STRA6: variants seen among roughly 807,000 people sequenced by gnomAD.
STRA6 encodes receptor for retinol uptake STRA6.
Under a neutral mutation model 83.6 loss-of-function variants are expected in STRA6, and 48 were observed. The observed-to-expected ratio is 0.57, with a 90% CI of 0.46 to 0.73. The LOEUF (loss-of-function observed/expected upper bound fraction) is 0.73. Among genes scored for constraint, STRA6 ranks in the 30% least tolerant of loss-of-function variants. The pLI is 0.00. For synonymous variants in STRA6, 353 were observed against 362.3 expected (o/e 0.97, Z 0.29); for missense variants, 760 against 838.8 (o/e 0.91, Z 1.16).
At chr15:74,192,677 A>G (rs1595846381) in intron 8 of STRA6, among the ~76,000 whole-genome samples, 1 of 152,164 alleles carries the variant, frequency 6.6e-6, no homozygotes, top group African/African-American at 2.4e-5. Flanking sequence ...CTGGCTGGCC[A>G]GGTGCCTCCC....
chr15:74,183,708 G>A, intron 14 of STRA6, 148 bp downstream of exon 14: 1 of 1,584,862 alleles, frequency 6.3e-7, no homozygotes, highest in South Asian at 1.1e-5. Context: ...GGGAAGGCAG[G>A]GGGGTCCCTC....
intron 14 of STRA6, 62 bp from the exon 15 acceptor site, chr15:74,182,522 G>A (rs778391165): frequency 2.1e-5 from 30 of 1,396,674 alleles, no homozygotes; most frequent in Middle Eastern, 2.4e-4. Flanking sequence ...GGCCATCCCC[G>A]CTGCCCCCAG....
In STRA6 at chr15:74,193,804, G is replaced by C; in HGVS notation, c.716C>G (p.Ser239Cys). 4 of 1,613,704 alleles carry C rather than the reference G, an allele frequency of 2.5e-6. No individual in the cohort carries two copies. Among genetic ancestry groups the C allele is most frequent in the Non-Finnish European group, 3.4e-6 (4 of 1,179,738 alleles). ...ATCCCAGGCCTGCCCCTTTACCTTG[G>C]AGCCTGCTCCTGTCCTACGGCTGAA... is the stretch of plus-strand genomic sequence containing the variant. ...RSFSRRTGAG[S>C]KGLQSSYSEE... is the part of the protein sequence containing the mutation. The change falls in exon 8 of 19, where the codon TCC becomes TGC. Residue 239 changes from serine (S) to cysteine (C), a missense_variant. Physicochemically the swap from Ser to Cys is moderately radical, Grantham distance 112. Transcript: ENST00000395105.
rs909291194 is a variant in STRA6, at chr15:74,195,123, G to T, written c.597+179C>A. ...GCTGGGCCCAGCCACCTTGTTCCCT[G>T]CCTCTCCTGCAGAGCAGCCAAGCTT... On this transcript the variant is annotated intron_variant, in intron 7 of 18. Transcript: ENST00000395105. 10 of 1,491,918 alleles carry T rather than the reference G, an allele frequency of 6.7e-6. No homozygotes were observed. The African/African-American group carries it at 9.7e-5, about 14-fold the overall frequency. 92.4% of individuals were successfully genotyped at this position (1,491,918 alleles called of 1,614,324 possible).
At chr15:74,196,604 A>G (rs772973760) in intron 4 of STRA6, among the ~76,000 whole-genome samples, 1 of 152,212 alleles carries the variant, frequency 6.6e-6, no homozygotes, top group Admixed American at 6.5e-5. Flanking sequence ...ACTCAGACCC[A>G]CAGCTTCTGC....
At chr15:74,186,961 C>T (rs1007743463) in intron 12 of STRA6, among the ~76,000 whole-genome samples, 3 of 152,242 alleles carry the variant, frequency 2.0e-5, no homozygotes, top group Admixed American at 1.3e-4. Flanking sequence ...TGGTCCCTAG[C>T]TCCCTCCTCC....
chr15:74,205,486 C>T (rs2074239447), upstream of STRA6, among the ~76,000 whole-genome samples: 1 of 152,108 alleles, frequency 6.6e-6, no homozygotes, highest in African/African-American at 2.4e-5. Flanking sequence ...ACTGATAGAG[C>T]GAGAACTCAC....
Position 74,180,140 on chromosome 15 carries a change from G to A in STRA6, c.1944C>T (p.Asn648=), listed in dbSNP as rs2072901887. 1 of 1,613,752 alleles carries A rather than the reference G, an allele frequency of 6.2e-7. No individual in the cohort carries two copies. Among genetic ancestry groups the A allele is most frequent in the Non-Finnish European group, 8.5e-7 (1 of 1,179,866 alleles). Residue 648 remains asparagine, a synonymous_variant, in exon 19 of 19, where the codon AAC becomes AAT. Transcript: ENST00000395105. ...TCTTGCGGAAGACCTGCAGGGTTGG[G>A]TTGTGCAGCAGCGTGTAGGCCAGAC... ...RWGLAYTLLH[N]PTLQVFRKTA... is the part of the protein sequence containing the mutation.
chr15:74,207,938 C>CTTCAAGGAAGAG, intron 1 of STRA6: 1 of 1,457,472 alleles, frequency 6.9e-7, no homozygotes, highest in Non-Finnish European at 9.1e-7. Context: ...GGTGACTCTC[C>CTTCAAGGAAGAG]ACCTCCTGTC....
chr15:74,200,207 C>A (rs747658880), intron 2 of STRA6, among the ~76,000 whole-genome samples: 1 of 152,132 alleles, frequency 6.6e-6, no homozygotes, highest in African/African-American at 2.4e-5. Context: ...GCAACAAGAG[C>A]GAGACTCCAT....
At chr15:74,193,647 A>G (rs1035556753) in intron 8 of STRA6, among the ~76,000 whole-genome samples, 153 bp downstream of exon 8, 18 of 152,190 alleles carry the variant, frequency 1.2e-4, no homozygotes, top group African/African-American at 4.3e-4. Context: ...CTAGGGAGGG[A>G]GGACTAAGCA....
upstream of STRA6, among the ~76,000 whole-genome samples, chr15:74,206,950 G>C (rs1023012695): frequency 6.6e-6 from 1 of 152,202 alleles, no homozygotes; most frequent in Admixed American, 6.5e-5. Context: ...GCTAAGCCCT[G>C]CTCACTATGG....
chr15:74,191,697 A>C, intron 8 of STRA6: 1 of 621,740 alleles, frequency 1.6e-6, no homozygotes, highest in Non-Finnish European at 2.9e-6. Context: ...CACAAATACA[A>C]GGCCAGTCTC....
At chr15:74,204,371 C>T (rs945326283), upstream of STRA6, among the ~76,000 whole-genome samples, 1 of 152,192 alleles carries the variant, frequency 6.6e-6, no homozygotes, top group Admixed American at 6.5e-5. Context: ...CTTGTTCTGG[C>T]GGCCAGTATT....
intron 13 of STRA6, 26 bp from the exon 14 acceptor site, chr15:74,184,015 G>C: frequency 6.2e-7 from 1 of 1,610,614 alleles, no homozygotes; most frequent in Non-Finnish European, 8.5e-7. Context: ...GGGAGGCAGA[G>C]ACCTCAGGGA....
At chr15:74,209,692 C>T, upstream of STRA6, 1 of 511,780 alleles carries the variant, frequency 2.0e-6, no homozygotes, top group Admixed American at 3.5e-5. Context: ...CTGCATCCCC[C>T]CTCACCTGAG....
chr15:74,195,507 G>T, intron 6 of STRA6, 39 bp from the exon 7 acceptor site: 1 of 1,606,786 alleles, frequency 6.2e-7, no homozygotes, highest in Non-Finnish European at 8.5e-7. Flanking sequence ...ATGCTGGAGG[G>T]GCAGACATGG....
At chr15:74,182,744 A>C in intron 14 of STRA6, 1 of 423,838 alleles carries the variant, frequency 2.4e-6, no homozygotes, top group Non-Finnish European at 4.4e-6. Context: ...TACTTTGCAA[A>C]TGTTATTTCC....
rs1421868840 is a variant in STRA6 at position 74,193,922 on chromosome 15, T to A, written c.598A>T (p.Ile200Phe). Residue 200 changes from isoleucine to phenylalanine, a missense_variant and splice_region_variant, in exon 8 of 19, where the codon ATC (isoleucine) becomes TTC (phenylalanine). By Grantham distance (21) the Ile-to-Phe change is conservative (BLOSUM62 0). Transcript: ENST00000395105. ...GCCAGCAGGGAGTAGTACTTGTAGA[T>A]CTGGACAGACAAACACCCAGACAGA... ...QRAECPQVPK[I>F]YKYYSLLASL... is the part of the protein sequence containing the mutation. The A allele has an allele frequency of 1.2e-6, 2 of 1,613,162 alleles. No individual in the cohort carries two copies. The highest frequency in any genetic ancestry group is 2.2e-5 in the South Asian group (2 of 91,074).
Sources: allele counts gnomAD v4.1 joint callset (sites outside exome capture counted in the v4.1 genomes callset), GRCh38; gene constraint gnomAD v4.1.1; transcripts MANE v1.5; gene names NCBI Gene and HGNC (gene_info 2026-07-23, HGNC 2026-07-21).